CYLD: variants seen among roughly 807,000 people sequenced by gnomAD.
CYLD encodes the protein CYLD lysine 63 deubiquitinase, also known as ubiquitin carboxyl-terminal hydrolase CYLD.
Under a neutral mutation model 104.5 loss-of-function variants are expected in CYLD, and 26 were observed. The observed-to-expected ratio is 0.25, with a 90% CI of 0.18 to 0.35. The LOEUF (loss-of-function observed/expected upper bound fraction) is 0.35. CYLD is among the 10% of genes least tolerant of loss of function. The probability of loss-of-function intolerance (pLI) is 1.00; values close to 1 mark genes in which losing one functional copy is unlikely to be tolerated. For missense variants in CYLD, 703 were observed against 1,136.1 expected, an observed-to-expected ratio of 0.62 and a Z score of 5.48; for synonymous variants, 385 against 399.9, an observed-to-expected ratio of 0.96 and a Z score of 0.45.
chr16:50,793,053 G>A (rs1181555676), intron 16 of CYLD, among the ~76,000 whole-genome samples: 1 of 151,688 alleles, frequency 6.6e-6, no homozygotes, highest in East Asian at 1.9e-4. Context: ...GTATGAAATG[G>A]TCATGATGTA....
rs780217156 is a variant in CYLD at position 50,751,829 on chromosome 16, A to G, written c.730A>G (p.Ile244Val). 2 of 1,613,624 alleles carry G rather than the reference A, an allele frequency of 1.2e-6. No homozygotes were observed. The highest frequency in any genetic ancestry group is 1.7e-6 in the Non-Finnish European group (2 of 1,179,742). ...AGTTTCTTTGAAGGTTGGAGAAACA[A>G]TAGAATCTGGAACAGTTATATTCTG... Reference protein sequence around the residue: ...SRVSLKVGETIESGTVIFCDV... With the variant: ...SRVSLKVGETVESGTVIFCDV... Residue 244 changes from isoleucine to valine, a missense_variant, in exon 4 of 19, where the codon ATA (isoleucine) becomes GTA (valine). This residue lies in a region of CYLD where 123 missense variants were observed against 213.3 expected (regional missense o/e 0.58). Coordinates refer to ENST00000427738, the MANE Select transcript of CYLD (RefSeq NM_001378743.1).
intron 5 of CYLD, among the ~76,000 whole-genome samples, chr16:50,763,781 A>G (rs1418808028): frequency 5.3e-5 from 8 of 152,178 alleles, no homozygotes. Flanking sequence ...AATATTGAAT[A>G]GAAGTAGTGA....
Position 50,801,314 on chromosome 16 carries a change from A to G in CYLD, c.*4806A>G, listed in dbSNP as rs1972445879. On this transcript the variant is annotated 3_prime_UTR_variant, in exon 19 of 19. Coordinates refer to ENST00000427738, the MANE Select transcript of CYLD (RefSeq NM_001378743.1). Reference sequence around the variant, plus strand: ...TGTAGCCAGGTTACTCAAGAACCACATTTGATTTCCTGGCCCTTTGCCTTG... The same window carrying G: ...TGTAGCCAGGTTACTCAAGAACCACGTTTGATTTCCTGGCCCTTTGCCTTG... 8.6e-6 allele frequency: 2 copies of G among 233,372 alleles called. No individual in the cohort carries two copies. The highest frequency in any genetic ancestry group is 2.2e-5 in the African/African-American group (1 of 45,354). The allele number at this position is 233,372 out of a possible 1,614,324, so 14.5% of individuals were successfully genotyped here.
intron 13 of CYLD, 22 bp downstream of exon 13, chr16:50,786,968 C>G (rs371798236): frequency 6.4e-7 from 1 of 1,562,182 alleles, no homozygotes; most frequent in South Asian, 1.1e-5. Flanking sequence ...AACTTATATG[C>G]GTTAAAAATA....
chr16:50,760,980 A>AT (rs1208249916), intron 5 of CYLD, among the ~76,000 whole-genome samples: 3 of 152,216 alleles, frequency 2.0e-5, no homozygotes, highest in African/African-American at 7.2e-5. Context: ...AATCTGATAG[A>AT]TAAAAAATAT....
chr16:50,784,158 A>T (rs1970578288), intron 11 of CYLD, 171 bp from the exon 12 acceptor site: 4 of 634,094 alleles, frequency 6.3e-6, no homozygotes, highest in Middle Eastern at 4.5e-4. Flanking sequence ...CTGATGATTG[A>T]ACCATGGGTA....
chr16:50,801,340 G>T lies in CYLD; in HGVS notation c.*4832G>T. ...TTTGATTTCCTGGCCCTTTGCCTTG[G>T]CAGTGATGGCATTTTTATTTCACTG... On this transcript the variant is annotated 3_prime_UTR_variant, in exon 19 of 19. Transcript: ENST00000427738. 1 of 233,484 alleles carries T rather than the reference G, an allele frequency of 4.3e-6. No homozygotes were observed. The highest frequency in any genetic ancestry group is 8.5e-6 in the Non-Finnish European group (1 of 118,060). 14.5% of individuals were successfully genotyped at this position (233,484 alleles called of 1,614,324 possible). A position where few individuals can be genotyped will look rare whatever the true frequency, so the allele number is the denominator to read the frequency against.
chr16:50,763,076 G>T (rs1477183329), intron 5 of CYLD, among the ~76,000 whole-genome samples: 1 of 152,240 alleles, frequency 6.6e-6, no homozygotes, highest in South Asian at 2.1e-4. Flanking sequence ...TTCTGTCTCT[G>T]CATATTTGCC....
At chr16:50,758,370 G>A (rs1426044873) in intron 5 of CYLD, among the ~76,000 whole-genome samples, 1 of 152,162 alleles carries the variant, frequency 6.6e-6, no homozygotes, top group Non-Finnish European at 1.5e-5. Flanking sequence ...AGTGGGAGCT[G>A]GAACAGGTAG....
rs1451560282 is a variant in CYLD at position 50,797,212 on chromosome 16, C to T, written c.*704C>T. ...GGATTAGGGTATTTAGCAGTTGAAGCTCTTCATTCATAGTAGTTACTGTCA... is the reference window on the plus strand; with the variant it reads ...GGATTAGGGTATTTAGCAGTTGAAGTTCTTCATTCATAGTAGTTACTGTCA... On this transcript the variant is annotated 3_prime_UTR_variant, in exon 19 of 19. Coordinates refer to ENST00000427738, the MANE Select transcript of CYLD (RefSeq NM_001378743.1). 4.3e-6 allele frequency: 1 copy of T among 232,684 alleles called. No homozygotes were observed. Among genetic ancestry groups the T allele is most frequent in the Admixed American group, 5.6e-5 (1 of 17,780 alleles). 14.4% of individuals were successfully genotyped at this position (232,684 alleles called of 1,614,324 possible).
chr16:50,778,460 A>G (rs1969900074), intron 8 of CYLD, among the ~76,000 whole-genome samples: 1 of 152,214 alleles, frequency 6.6e-6, no homozygotes, highest in Non-Finnish European at 1.5e-5. Flanking sequence ...CAGACACAGT[A>G]GAGTTGCCTT....
In CYLD at chr16:50,749,761, T is replaced by C. The variant is rs751698691; in HGVS notation, c.63T>C (p.Phe21=). The C allele has an allele frequency of 6.2e-7, 1 of 1,613,720 alleles. No individual in the cohort carries two copies. Among genetic ancestry groups the C allele is most frequent in the Non-Finnish European group, 8.5e-7 (1 of 1,179,992 alleles). The change falls in exon 3 of 19, where the codon TTT becomes TTC. Residue 21 remains phenylalanine (F), a synonymous_variant. Transcript: ENST00000427738. ...VTSPYWEERI[F]YLLLQECSVT... ...CACCCTACTGGGAAGAGCGGATTTT[T>C]TACTTGCTTCTTCAAGAATGCAGCG...
chr16:50,770,457 T>C (rs539812420), intron 5 of CYLD, among the ~76,000 whole-genome samples: 14 of 151,564 alleles, frequency 9.2e-5, no homozygotes, highest in African/African-American at 2.4e-4. Context: ...TTCTTTCTTT[T>C]TTTTTTTTTT....
chr16:50,792,915 A>T (rs1240290092), intron 16 of CYLD, among the ~76,000 whole-genome samples: 1 of 152,228 alleles, frequency 6.6e-6, no homozygotes, highest in African/African-American at 2.4e-5. Flanking sequence ...ATATGCAAAT[A>T]TACTTATTAT....
intron 1 of CYLD, 93 bp from the exon 2 acceptor site, chr16:50,742,669 A>C: frequency 2.6e-6 from 1 of 385,158 alleles, no homozygotes; most frequent in Non-Finnish European, 4.6e-6. Flanking sequence ...GGGCGTACGT[A>C]CCGATCGATT....
In CYLD at chr16:50,797,120, G is replaced by A. The variant is rs1327030268; in HGVS notation, c.*612G>A. On this transcript the variant is annotated 3_prime_UTR_variant, in exon 19 of 19. Coordinates refer to ENST00000427738, the MANE Select transcript of CYLD (RefSeq NM_001378743.1). ...CCCTTAATGGTGTTGTTTTCTATTT[G>A]TTCTGGTTTTGAGATAAATGAGTGA... 1 of 233,650 alleles carries A rather than the reference G, an allele frequency of 4.3e-6. No homozygotes were observed. The highest frequency in any genetic ancestry group is 8.4e-6 in the Non-Finnish European group (1 of 118,482). The allele number at this position is 233,650 out of a possible 1,614,324, so 14.5% of individuals were successfully genotyped here. A position where few individuals can be genotyped will look rare whatever the true frequency, so the allele number is the denominator to read the frequency against.
At chr16:50,786,774 GA>G in intron 12 of CYLD, 80 bp from the exon 13 acceptor site, 1 of 1,040,286 alleles carries the variant, frequency 9.6e-7, no homozygotes, top group Non-Finnish European at 1.4e-6. Flanking sequence ...AAAAAAAAAA[GA>G]AAAAAAGAAA....
intron 5 of CYLD, among the ~76,000 whole-genome samples, chr16:50,773,625 T>C (rs550905181): frequency 1.3e-5 from 2 of 152,208 alleles, no homozygotes; most frequent in Admixed American, 6.5e-5. Context: ...TTTGTTTTAA[T>C]CACACAAAAT....
Position 50,799,689 on chromosome 16 carries a change from A to G in CYLD, c.*3181A>G. 4.3e-6 allele frequency: 1 copy of G among 233,596 alleles called. No homozygotes were observed. 14.5% of individuals were successfully genotyped at this position (233,596 alleles called of 1,614,324 possible). ...AAGATTAAGATTCCATTAATCTTAT[A>G]GAACTGTGTTGTCACCCAAATTCCT... On this transcript the variant is annotated 3_prime_UTR_variant, in exon 19 of 19. Transcript: ENST00000427738.
Sources: allele counts gnomAD v4.1 joint callset (sites outside exome capture counted in the v4.1 genomes callset), GRCh38; gene constraint gnomAD v4.1.1; regional missense constraint gnomAD v4.1.1; transcripts MANE v1.5; gene names NCBI Gene and HGNC (gene_info 2026-07-23, HGNC 2026-07-21).